The following DACH2 variants were observed in gnomAD, a reference collection of about 807,000 sequenced individuals.
DACH2 encodes the protein dachshund homolog 2.
Under a neutral mutation model 35.8 loss-of-function variants are expected in DACH2, and 17 were observed. The observed-to-expected ratio is 0.48, with a 90% confidence interval of 0.33 to 0.71. The LOEUF (loss-of-function observed/expected upper bound fraction) is 0.71. Ranked by LOEUF, DACH2 falls within the 30% of genes least tolerant of loss-of-function variation. The pLI, the probability that DACH2 is intolerant of heterozygous loss-of-function variation, is 0.02. For missense variants in DACH2, 469 were observed against 472.7 expected (o/e 0.99, Z 0.07); for synonymous variants, 195 against 177.3 (o/e 1.10, Z -0.79).
chrX:86,795,688 GTGTTACAGTT>G (rs1228239369), intron 7 of DACH2, among the ~76,000 whole-genome samples: 1 of 112,269 alleles, frequency 8.9e-6, no homozygotes, highest in Admixed American at 9.4e-5. Flanking sequence ...CTCGCAGTGA[GTGTTACAGTT>G]TGTAAAGATG....
intron 1 of DACH2, among the ~76,000 whole-genome samples, chrX:86,209,424 TC>T (rs1471438892): frequency 8.9e-6 from 1 of 111,890 alleles, no homozygotes; most frequent in East Asian, 2.8e-4. Context: ...GAGCAATGAA[TC>T]AAACTGTATT....
chrX:86,591,311 G>C (rs7886335), intron 3 of DACH2, among the ~76,000 whole-genome samples: 1 of 111,225 alleles, frequency 9.0e-6, no homozygotes, highest in Non-Finnish European at 1.9e-5. Context: ...ATAGCAGCAC[G>C]ATTTATAATC....
In DACH2 at chrX:86,740,516, A is replaced by G. The variant is rs753572963; in HGVS notation, c.1240+634A>G. ...TATCCCTCCCCCCTCCCCCCACCCC[A>G]CAACAGTCCCCGGAGTATGATGTTC... is the stretch of plus-strand genomic sequence containing the variant. On this transcript the variant is annotated intron_variant, in intron 7 of 11. Coordinates refer to ENST00000373125, the MANE Select transcript of DACH2 (RefSeq NM_053281.3). 5.1e-3 allele frequency among the ~76,000 whole-genome samples: 180 copies of G among 35,219 alleles called. 1 individual carries two copies. The highest frequency in any genetic ancestry group is 0.02 in the African/African-American group (167 of 8,208). The allele number at this position is 35,219 out of a possible 115,157, so 30.6% of individuals were successfully genotyped here.
Position 86,514,339 on chromosome X carries a change from T to C in DACH2, c.588T>C (p.Leu196=), listed in dbSNP as rs769695009. 3 of 1,209,570 alleles carry C rather than the reference T, an allele frequency of 2.5e-6. No homozygotes were observed. The East Asian group carries it at 8.9e-5, about 36-fold the overall frequency. ...GAGTGTTGCAGGAAAATGCCCGCCT[T>C]CTGACCCATGCAGTCCCAGGCCTCT... ...SLGVLQENAR[L]LTHAVPGLLS... is the part of the protein sequence containing the mutation. Residue 196 remains leucine (L), a synonymous_variant, in exon 3 of 12, where the codon CTT becomes CTC. Transcript: ENST00000373125.
intron 3 of DACH2, among the ~76,000 whole-genome samples, chrX:86,583,067 A>G (rs902370504): frequency 8.9e-6 from 1 of 111,822 alleles, no homozygotes; most frequent in Non-Finnish European, 1.9e-5. Flanking sequence ...ACATAAGCAA[A>G]TTAATAAATG....
intron 3 of DACH2, among the ~76,000 whole-genome samples, chrX:86,589,625 A>G (rs1297444613): frequency 2.7e-5 from 3 of 111,656 alleles, no homozygotes; most frequent in Non-Finnish European, 5.6e-5. Context: ...GTTTTCACAA[A>G]TGTATAATAT....
At chrX:86,152,998 TC>T (rs1569284373) in intron 1 of DACH2, among the ~76,000 whole-genome samples, 4 of 111,781 alleles carry the variant, frequency 3.6e-5, no homozygotes, top group African/African-American at 1.3e-4. Context: ...AAATTGTTTT[TC>T]CTAAATATGA....
Position 86,514,374 on chromosome X carries a change from G to T in DACH2, c.623G>T (p.Gly208Val). The T allele has an allele frequency of 8.3e-7, 1 of 1,209,289 alleles. No individual in the cohort carries two copies. The change falls in exon 3 of 12, where the codon GGA (glycine) becomes GTA (valine). Residue 208 changes from glycine to valine, a missense_variant. By Grantham distance (109) the Gly-to-Val change is moderately radical. Coordinates refer to ENST00000373125, the MANE Select transcript of DACH2 (RefSeq NM_053281.3). ...THAVPGLLSP[G>V]LITPTGITAA... ...GCAGTCCCAGGCCTCTTATCGCCAG[G>T]ACTTATCACTCCGACAGGTAATAAA...
Position 86,290,794 on chromosome X carries a change from G to C in DACH2, c.489-86030G>C, listed in dbSNP as rs375059572. On this transcript the variant is annotated intron_variant, in intron 1 of 11. Transcript: ENST00000373125. ...TCCATTGATCTATATCTCTGTTTTG[G>C]TACCAGTACCATGCTGTTTTGGTTA... Among the ~76,000 whole-genome samples the C allele has an allele frequency of 1.0e-4, 10 of 96,567 alleles. No homozygotes were observed. The East Asian group carries it at 3.1e-3, about 30-fold the overall frequency. 83.9% of individuals were successfully genotyped at this position (96,567 alleles called of 115,157 possible).
chrX:86,785,803 C>T (rs187566450), intron 7 of DACH2, among the ~76,000 whole-genome samples: 154 of 111,499 alleles, frequency 1.4e-3, no homozygotes, highest in African/African-American at 4.7e-3. Flanking sequence ...GCATTGCTTC[C>T]TATATGCTAC....
At chrX:86,300,547 GA>G (rs1213936685) in intron 1 of DACH2, among the ~76,000 whole-genome samples, 3 of 107,198 alleles carry the variant, frequency 2.8e-5, no homozygotes, top group East Asian at 2.9e-4. Flanking sequence ...GGGGAAGGGA[GA>G]GGGGGGAGGG....
intron 7 of DACH2, among the ~76,000 whole-genome samples, chrX:86,768,713 C>T (rs758227458): frequency 9.0e-6 from 1 of 110,904 alleles, no homozygotes; most frequent in African/African-American, 3.3e-5. Context: ...GTTGCATGTT[C>T]CTGTGGTTTG....
chrX:86,599,526 C>T (rs1252127809), intron 3 of DACH2, among the ~76,000 whole-genome samples: 75 of 99,506 alleles, frequency 7.5e-4, no homozygotes, highest in African/African-American at 1.2e-3. Context: ...TTCAAAGAGT[C>T]TCTCTCTGTC....
At chrX:86,267,854 C>T (rs1323123249) in intron 1 of DACH2, among the ~76,000 whole-genome samples, 10 of 111,875 alleles carry the variant, frequency 8.9e-5, no homozygotes, top group Non-Finnish European at 1.1e-4. Context: ...TTCTATAGAC[C>T]TAAATCTCAC....
chrX:86,525,257 G>A (rs185982270), intron 3 of DACH2, among the ~76,000 whole-genome samples: 25 of 111,795 alleles, frequency 2.2e-4, no homozygotes, highest in African/African-American at 2.6e-4. Flanking sequence ...TATTGGAACC[G>A]CTTAAGTTAA....
At chrX:86,776,552 C>G (rs761068276) in intron 7 of DACH2, among the ~76,000 whole-genome samples, 3 of 111,367 alleles carry the variant, frequency 2.7e-5, no homozygotes, top group Non-Finnish European at 5.7e-5. Context: ...AAGAGTTTAC[C>G]CATTGGTGAA....
intron 7 of DACH2, among the ~76,000 whole-genome samples, chrX:86,787,567 G>A (rs1402219465): frequency 1.9e-5 from 2 of 105,397 alleles, no homozygotes; most frequent in African/African-American, 7.0e-5. Flanking sequence ...GCAGTGAGCC[G>A]AGATCGCACC....
intron 4 of DACH2, among the ~76,000 whole-genome samples, chrX:86,686,006 G>A (rs1246572264): frequency 9.0e-6 from 1 of 111,531 alleles, no homozygotes; most frequent in African/African-American, 3.3e-5. Flanking sequence ...CATTTAGACA[G>A]ACCACATGTT....
chrX:86,751,424 A>G (rs1039150080), intron 7 of DACH2, among the ~76,000 whole-genome samples: 6 of 111,286 alleles, frequency 5.4e-5, no homozygotes, highest in African/African-American at 2.0e-4. Context: ...AACAACACAC[A>G]ATTATCTCAA....
Sources: allele counts gnomAD v4.1 joint callset (sites outside exome capture counted in the v4.1 genomes callset), GRCh38; gene constraint gnomAD v4.1.1; transcripts MANE v1.5; gene names NCBI Gene and HGNC (gene_info 2026-07-23, HGNC 2026-07-21).